The following MDGA2 variants were observed in gnomAD, a reference collection of about 807,000 sequenced individuals.
MDGA2 encodes the protein MAM domain containing glycosylphosphatidylinositol anchor 2.
Under a neutral mutation model 117.8 loss-of-function variants are expected in MDGA2, and 40 were observed. The ratio of observed to expected loss-of-function variants is 0.34; its 90% CI spans 0.26 to 0.44. The LOEUF (loss-of-function observed/expected upper bound fraction) is 0.44, where lower values mean the gene tolerates loss of function less well. Among genes scored for constraint, MDGA2 ranks in the 20% least tolerant of loss-of-function variants. The pLI, the probability that MDGA2 is intolerant of heterozygous loss-of-function variation, is 1.00. For missense variants in MDGA2, 1,123 were observed against 1,250.6 expected (o/e 0.90, Z 1.54); for synonymous variants, 452 against 439.0 (o/e 1.03, Z -0.37).
chr14:47,373,740 G>T (rs1891416365), intron 1 of MDGA2, among the ~76,000 whole-genome samples: 5 of 152,008 alleles, frequency 3.3e-5, no homozygotes, highest in Admixed American at 3.3e-4. Flanking sequence ...TCTAAAATTA[G>T]ATTTCGGTCA....
intron 3 of MDGA2, among the ~76,000 whole-genome samples, chr14:47,170,915 A>T (rs6572409): frequency 0.5 from 76,590 of 151,954 alleles, 20,503 homozygotes; most frequent in African/African-American, 0.7. Context: ...TTTTTAATTG[A>T]CATAAACTTT....
At chr14:47,354,696 A>T (rs1338316666) in intron 1 of MDGA2, among the ~76,000 whole-genome samples, 1 of 152,188 alleles carries the variant, frequency 6.6e-6, no homozygotes, top group Non-Finnish European at 1.5e-5. Flanking sequence ...CCCCTTGTTA[A>T]ATCCACCTTG....
chr14:47,578,057 G>GTA (rs1896148774), intron 1 of MDGA2, among the ~76,000 whole-genome samples: 1 of 152,150 alleles, frequency 6.6e-6, no homozygotes, highest in Non-Finnish European at 1.5e-5. Context: ...AGAAAAAGCA[G>GTA]TATATATACA....
At chr14:47,435,293 A>T (rs1454706763) in intron 1 of MDGA2, among the ~76,000 whole-genome samples, 2 of 152,172 alleles carry the variant, frequency 1.3e-5, no homozygotes, top group Non-Finnish European at 2.9e-5. Context: ...CTTAATTTTT[A>T]ACTAAACCAA....
At chr14:47,457,935 GT>G (rs1893394243) in intron 1 of MDGA2, among the ~76,000 whole-genome samples, 1 of 150,736 alleles carries the variant, frequency 6.6e-6, no homozygotes, top group Non-Finnish European at 1.5e-5. Context: ...CTTCCAAGTG[GT>G]TAAGAGGATA....
intron 1 of MDGA2, among the ~76,000 whole-genome samples, chr14:47,334,904 C>A (rs568179084): frequency 2.0e-5 from 3 of 151,982 alleles, no homozygotes; most frequent in African/African-American, 7.2e-5. Context: ...CACTTAAAAT[C>A]TTTGAGCTTT....
chr14:47,006,438 T>C lies in MDGA2; in HGVS notation c.1819+28573A>G, dbSNP rs190536132. 2.0e-5 allele frequency among the ~76,000 whole-genome samples: 3 copies of C among 147,482 alleles called. No homozygotes were observed. In the East Asian group the frequency reaches 5.9e-4, roughly 29 times the overall value. ...TATAATTATATTATATGTATATGTT[T>C]TAATTATAATTATAATTTTAAAATA... On this transcript the variant is annotated intron_variant, in intron 8 of 16. Coordinates refer to ENST00000399232, the MANE Select transcript of MDGA2 (RefSeq NM_001113498.3).
intron 1 of MDGA2, among the ~76,000 whole-genome samples, chr14:47,542,731 T>A (rs941830678): frequency 1.3e-5 from 2 of 152,168 alleles, no homozygotes; most frequent in African/African-American, 2.4e-5. Flanking sequence ...TAAATCAGAT[T>A]TTAAAAAAAT....
intron 1 of MDGA2, among the ~76,000 whole-genome samples, chr14:47,418,647 A>C (rs1892520875): frequency 6.6e-6 from 1 of 152,068 alleles, no homozygotes; most frequent in African/African-American, 2.4e-5. Flanking sequence ...TCAACATATA[A>C]ATTTTGGGGG....
At chr14:46,999,350 A>T (rs1171879730) in intron 8 of MDGA2, among the ~76,000 whole-genome samples, 1 of 152,130 alleles carries the variant, frequency 6.6e-6, no homozygotes, top group Admixed American at 6.6e-5. Context: ...CAGTATTTGC[A>T]GACACTATTG....
intron 1 of MDGA2, among the ~76,000 whole-genome samples, chr14:47,410,381 A>G (rs1892347639): frequency 2.0e-5 from 3 of 152,168 alleles, no homozygotes; most frequent in Admixed American, 2.0e-4. Flanking sequence ...AATCATTTAT[A>G]TCCTTTCCTT....
At chr14:47,481,936 T>G (rs1566478568) in intron 1 of MDGA2, among the ~76,000 whole-genome samples, 1 of 151,954 alleles carries the variant, frequency 6.6e-6, no homozygotes, top group Admixed American at 6.6e-5. Context: ...AAGAAACAGT[T>G]AAAAACAGGA....
At chr14:47,611,486 G>A (rs759256124) in intron 1 of MDGA2, among the ~76,000 whole-genome samples, 8 of 151,566 alleles carry the variant, frequency 5.3e-5, no homozygotes, top group East Asian at 1.9e-4. Flanking sequence ...ACCCAGAATC[G>A]ACAACAAACT....
intron 14 of MDGA2, among the ~76,000 whole-genome samples, chr14:46,863,425 T>C (rs1881593814): frequency 6.6e-6 from 1 of 152,152 alleles, no homozygotes; most frequent in South Asian, 2.1e-4. Context: ...AACACTAGGA[T>C]TAGGCACACA....
intron 1 of MDGA2, among the ~76,000 whole-genome samples, chr14:47,588,778 T>C (rs1474579516): frequency 6.6e-6 from 1 of 151,948 alleles, no homozygotes; most frequent in African/African-American, 2.4e-5. Flanking sequence ...GTTGCTGTAA[T>C]AAATTACCAC....
intron 7 of MDGA2, among the ~76,000 whole-genome samples, chr14:47,042,463 T>C (rs1429800230): frequency 6.6e-6 from 1 of 152,008 alleles, no homozygotes; most frequent in African/African-American, 2.4e-5. Context: ...AAGCAACATC[T>C]TCATTTCAGA....
At chr14:46,883,504 A>C (rs992354996) in intron 10 of MDGA2, among the ~76,000 whole-genome samples, 3 of 152,140 alleles carry the variant, frequency 2.0e-5, no homozygotes, top group Non-Finnish European at 2.9e-5. Flanking sequence ...ATATATTAGA[A>C]ATTTTTTTAG....
At chr14:47,478,877 T>C (rs1404628871) in intron 1 of MDGA2, among the ~76,000 whole-genome samples, 3 of 152,262 alleles carry the variant, frequency 2.0e-5, no homozygotes, top group African/African-American at 7.2e-5. Flanking sequence ...TTTTGACATC[T>C]TGAAGCCTTT....
At chr14:47,617,602 C>A (rs978300292) in intron 1 of MDGA2, among the ~76,000 whole-genome samples, 3 of 152,164 alleles carry the variant, frequency 2.0e-5, no homozygotes, top group Non-Finnish European at 4.4e-5. Context: ...TACCAGCTTG[C>A]TACAGTTCTT....
Sources: allele counts gnomAD v4.1 joint callset (sites outside exome capture counted in the v4.1 genomes callset), GRCh38; gene constraint gnomAD v4.1.1; transcripts MANE v1.5; gene names NCBI Gene and HGNC (gene_info 2026-07-23, HGNC 2026-07-21).